Variants in FSTL5 observed in about 807,000 individuals in gnomAD.
FSTL5 encodes the protein follistatin like 5, also known as follistatin-related protein 5.
FSTL5 carries 62 observed loss-of-function variants against 89.1 expected under a neutral mutation model. The ratio of observed to expected loss-of-function variants is 0.70; its 90% CI spans 0.57 to 0.86. FSTL5 has a LOEUF of 0.86. Ranked by LOEUF, FSTL5 falls within the 40% of genes least tolerant of loss-of-function variation. The probability of loss-of-function intolerance (pLI) is 0.00; values close to 1 mark genes in which losing one functional copy is unlikely to be tolerated. For synonymous variants in FSTL5, 383 were observed against 346.2 expected (o/e 1.11, Z -1.18); for missense variants, 1,057 against 1,001.6 (o/e 1.06, Z -0.75).
At chr4:161,391,234 G>A (rs1730812478) in intron 15 of FSTL5, among the ~76,000 whole-genome samples, 1 of 152,096 alleles carries the variant, frequency 6.6e-6, no homozygotes, top group African/African-American at 2.4e-5. Flanking sequence ...TTTGTATTAT[G>A]GGAATTTTAC....
chr4:161,971,279 T>C (rs959440956), intron 3 of FSTL5, among the ~76,000 whole-genome samples: 1 of 152,190 alleles, frequency 6.6e-6, no homozygotes, highest in Non-Finnish European at 1.5e-5. Context: ...CTTTTCATTA[T>C]GTCACAAACA....
At chr4:161,821,438 A>C (rs1256874376) in intron 4 of FSTL5, among the ~76,000 whole-genome samples, 1 of 152,090 alleles carries the variant, frequency 6.6e-6, no homozygotes, top group Non-Finnish European at 1.5e-5. Flanking sequence ...TTATTTTTTA[A>C]ATTTCCATAG....
rs538135997 is a variant in FSTL5, at chr4:161,821,580, AC to A, written c.410-45507del. Among the ~76,000 whole-genome samples, 287 of 151,830 alleles carry A rather than the reference AC, an allele frequency of 1.9e-3. 1 individual carries two copies. The highest frequency in any genetic ancestry group is 6.5e-3 in the African/African-American group (268 of 41,364). On this transcript the variant is annotated intron_variant, in intron 4 of 15. Transcript: ENST00000306100. ...TATCCCTCACCCTCCTCCCACACTT[AC>A]CCCCAAATCCCTGAAGTCCATTGTA...
rs751872348 is a variant in FSTL5 at position 162,062,541 on chromosome 4, T to G, written c.127-28883A>C. Among the ~76,000 whole-genome samples the G allele has an allele frequency of 3.9e-5, 6 of 151,906 alleles. No homozygotes were observed. The East Asian group carries it at 1.2e-3, about 29-fold the overall frequency. ...CCTCTTACATTTCTTCTTGGAACAA[T>G]TTACATTCACAGGCCTGACATTTCC... On this transcript the variant is annotated intron_variant, in intron 2 of 15. Transcript: ENST00000306100.
intron 3 of FSTL5, among the ~76,000 whole-genome samples, chr4:161,961,707 G>T (rs1245245244): frequency 6.6e-6 from 1 of 151,544 alleles, no homozygotes; most frequent in East Asian, 1.9e-4. Flanking sequence ...AGAAAAAAAA[G>T]AACAATATCA....
At chr4:161,441,231 C>T (rs370731383) in intron 15 of FSTL5, among the ~76,000 whole-genome samples, 64 of 152,194 alleles carry the variant, frequency 4.2e-4, no homozygotes, top group African/African-American at 1.5e-3. Flanking sequence ...ATCTCTTCCA[C>T]GTTTTGTTTG....
At chr4:162,069,511 T>TG (rs896722869) in intron 2 of FSTL5, among the ~76,000 whole-genome samples, 1 of 151,956 alleles carries the variant, frequency 6.6e-6, no homozygotes, top group African/African-American at 2.4e-5. Flanking sequence ...CTGTAATTTT[T>TG]GGTTTGTTAA....
chr4:162,041,202 T>TAAAAAAAAAAA (rs5863513), intron 2 of FSTL5, among the ~76,000 whole-genome samples: 2 of 97,778 alleles, frequency 2.0e-5, no homozygotes, highest in Non-Finnish European at 4.0e-5. Flanking sequence ...GATGAGATGG[T>TAAAAAAAAAAA]AAAAAAAAAA....
chr4:162,070,562 G>A (rs72693248), intron 2 of FSTL5, among the ~76,000 whole-genome samples: 8,120 of 151,616 alleles, frequency 0.054, 391 homozygotes, highest in East Asian at 0.24. Context: ...TTTATTCTTC[G>A]ACATATATAT....
chr4:161,614,264 A>G (rs1344822612), intron 7 of FSTL5, among the ~76,000 whole-genome samples: 1 of 152,162 alleles, frequency 6.6e-6, no homozygotes, highest in African/African-American at 2.4e-5. Context: ...AAAATTTTCA[A>G]TCTTGTTCTA....
intron 5 of FSTL5, among the ~76,000 whole-genome samples, chr4:161,763,680 T>C (rs1740884530): frequency 6.6e-6 from 1 of 152,174 alleles, no homozygotes; most frequent in African/African-American, 2.4e-5. Context: ...TGAGTTCTTC[T>C]CCATCCTTTG....
chr4:162,112,318 T>C (rs2111409875), intron 1 of FSTL5, among the ~76,000 whole-genome samples: 1 of 152,296 alleles, frequency 6.6e-6, no homozygotes, highest in South Asian at 2.1e-4. Context: ...CTTTGTTATG[T>C]AGGCTGGAGT....
chr4:162,043,701 T>A (rs12510085), intron 2 of FSTL5, among the ~76,000 whole-genome samples: 8,424 of 152,286 alleles, frequency 0.055, 409 homozygotes, highest in East Asian at 0.22. Flanking sequence ...AATTAGTCAA[T>A]TCTCTCAAAG....
intron 3 of FSTL5, among the ~76,000 whole-genome samples, chr4:162,011,091 G>A (rs531493105): frequency 6.6e-6 from 1 of 152,214 alleles, no homozygotes; most frequent in African/African-American, 2.4e-5. Flanking sequence ...CACATCTGAT[G>A]TTTTTTTATT....
At chr4:162,161,048 T>C (rs1733676083) in intron 1 of FSTL5, among the ~76,000 whole-genome samples, 1 of 151,944 alleles carries the variant, frequency 6.6e-6, no homozygotes, top group South Asian at 2.1e-4. Context: ...GAGCACGTCA[T>C]GTAATATATA....
At position 161,776,034 on chromosome 4, in the gene FSTL5, A is replaced by G; in HGVS notation, c.450T>C (p.Asn150=). Residue 150 remains asparagine (N), a synonymous_variant, in exon 5 of 16, where the codon AAT becomes AAC. Coordinates refer to ENST00000306100, the MANE Select transcript of FSTL5 (RefSeq NM_020116.5). Reference sequence around the variant, plus strand: ...TTTGATTTTGTAAATCTAATAGCATATTTTTCATCTTGCTGTATTCAGTAG... The same window carrying G: ...TTTGATTTTGTAAATCTAATAGCATGTTTTTCATCTTGCTGTATTCAGTAG... ...CKTTEYSKMK[N]MLLDLQNQKY... 6.3e-7 allele frequency: 1 copy of G among 1,588,502 alleles called. No individual in the cohort carries two copies. The highest frequency in any genetic ancestry group is 2.3e-5 in the East Asian group (1 of 44,280).
At chr4:161,630,191 T>A (rs1578980261) in intron 7 of FSTL5, among the ~76,000 whole-genome samples, 1 of 152,284 alleles carries the variant, frequency 6.6e-6, no homozygotes, top group Non-Finnish European at 1.5e-5. Flanking sequence ...CACTGTGCAG[T>A]GAGGTGACTC....
chr4:162,153,661 A>AATATATGTATATTATATATGTATATAATT (rs1733325127), intron 1 of FSTL5, among the ~76,000 whole-genome samples: 1 of 79,092 alleles, frequency 1.3e-5, no homozygotes, highest in Non-Finnish European at 2.6e-5. Context: ...ATATGTATAT[A>AATATATGTATATTATATATGTATATAATT]ATATATGTAT....
chr4:161,735,994 A>T (rs1388464989), intron 6 of FSTL5, among the ~76,000 whole-genome samples: 1 of 152,154 alleles, frequency 6.6e-6, no homozygotes, highest in Admixed American at 6.6e-5. Context: ...AGTGAGAGAT[A>T]AAACTGATAT....
Sources: allele counts gnomAD v4.1 joint callset (sites outside exome capture counted in the v4.1 genomes callset), GRCh38; gene constraint gnomAD v4.1.1; transcripts MANE v1.5; gene names NCBI Gene and HGNC (gene_info 2026-07-23, HGNC 2026-07-21).